Variants in FBF1 observed in about 807,000 individuals in gnomAD.
FBF1 encodes the protein fas-binding factor 1.
In FBF1, 119 loss-of-function variants were observed where a neutral mutation model predicts 147.2. The observed-to-expected ratio is 0.81, with a 90% CI of 0.70 to 0.94. The LOEUF (loss-of-function observed/expected upper bound fraction) is 0.94. Ranked by LOEUF, FBF1 falls within the 40% of genes least tolerant of loss-of-function variation. The pLI is 0.00. For synonymous variants in FBF1, 601 were observed against 609.0 expected, an observed-to-expected ratio of 0.99 and a Z score of 0.19; for missense variants, 1,449 against 1,500.8, an observed-to-expected ratio of 0.97 and a Z score of 0.57.
rs751580864 is a variant in FBF1 at position 75,910,785 on chromosome 17, C to A, written c.3385G>T (p.Glu1129Ter). The A allele has an allele frequency of 6.2e-7, 1 of 1,610,860 alleles. No homozygotes were observed. The highest frequency in any genetic ancestry group is 1.1e-5 in the South Asian group (1 of 90,294). Residue 1129 changes from glutamate to a stop codon, truncating the protein, a stop_gained, in exon 30 of 30, where the codon GAA (glutamate) becomes TAA (stop). Transcript: ENST00000636174. LOFTEE classifies it high-confidence loss of function. The surrounding 1 kb of genome is among the most constrained non-coding windows in gnomAD (Gnocchi z 4.1). ...TTCAGGGTCTCCAGGAAGAACTGTT[C>A]ATTCTCCAAGAAGTCACGGTCCTGC... is the stretch of plus-strand genomic sequence containing the variant. Reference protein sequence around the residue: ...AEQDRDFLENEQFFLETLKKG... With the variant: ...AEQDRDFLEN
chr17:75,924,058 A>AC (rs936457267), intron 13 of FBF1, among the ~76,000 whole-genome samples: 7 of 118,634 alleles, frequency 5.9e-5, no homozygotes, highest in African/African-American at 1.3e-4. Context: ...CTAAAAACAC[A>AC]AAAAAATTAG....
At position 75,923,081 on chromosome 17, in the gene FBF1, G is replaced by A. The variant is rs757194933; in HGVS notation, c.1424+105C>T. ...CTCTGTGGCCACGGCGCCCTGCCTTGTTCCCCAACTGCTGACTGAGGCTGC... is the reference window on the plus strand; with the variant it reads ...CTCTGTGGCCACGGCGCCCTGCCTTATTCCCCAACTGCTGACTGAGGCTGC... On this transcript the variant is annotated intron_variant, in intron 14 of 29. Transcript: ENST00000636174. The surrounding 1 kb of genome is among the most constrained non-coding windows in gnomAD (Gnocchi z 4.1). 1.2e-5 allele frequency: 15 copies of A among 1,202,904 alleles called. No individual in the cohort carries two copies. Among genetic ancestry groups the A allele is most frequent in the Non-Finnish European group, 1.7e-5 (15 of 871,692 alleles). The allele number at this position is 1,202,904 out of a possible 1,614,324, so 74.5% of individuals were successfully genotyped here.
rs2065512690 is a variant in FBF1 at position 75,919,820 on chromosome 17, C to G, written c.1986G>C (p.Arg662=). The G allele has an allele frequency of 3.1e-6, 5 of 1,613,886 alleles. No homozygotes were observed. Among genetic ancestry groups the G allele is most frequent in the Non-Finnish European group, 4.2e-6 (5 of 1,179,902 alleles). Reference sequence around the variant, plus strand: ...GAGCTGACAGCTCTTCGTTCTCTCTCCGGAGCCGCTCCTCCCGTTGCTGGT... The same window carrying G: ...GAGCTGACAGCTCTTCGTTCTCTCTGCGGAGCCGCTCCTCCCGTTGCTGGT... ...TSYQQREERL[R]RENEELSARY... The change falls in exon 20 of 30, where the codon CGG becomes CGC. Residue 662 remains arginine, a synonymous_variant. Coordinates refer to ENST00000636174, the MANE Select transcript of FBF1 (RefSeq NM_001319193.2). This position sits in a 1 kb window ranked among gnomAD's most constrained non-coding sequence, Gnocchi z 5.0.
chr17:75,912,204 G>A lies in FBF1; in HGVS notation c.3351C>T (p.His1117=), dbSNP rs1168034264. 1 of 1,608,688 alleles carries A rather than the reference G, an allele frequency of 6.2e-7. No homozygotes were observed. Among genetic ancestry groups the A allele is most frequent in the Admixed American group, 1.7e-5 (1 of 59,396 alleles). The change falls in exon 29 of 30, where the codon CAC becomes CAT. Residue 1117 remains histidine, a synonymous_variant. Transcript: ENST00000636174. The part of the protein sequence containing the change: ...HLHARLALLR[H]MAEQDRDFLE... ...AGGAGAGACTCACCTGCTCTGCCAT[G>A]TGCCTCAGCAGTGCCAGCCTGGCAT...
chr17:75,910,885 C>T lies in FBF1; in HGVS notation c.3364-79G>A. The T allele has an allele frequency of 2.4e-6, 3 of 1,275,082 alleles. No individual in the cohort carries two copies. Among genetic ancestry groups the T allele is most frequent in the Non-Finnish European group, 3.3e-6 (3 of 899,886 alleles). 79.0% of individuals were successfully genotyped at this position (1,275,082 alleles called of 1,614,324 possible). ...GAGCCCTGGATGCTAGCTGAGCCAG[C>T]CGTCACTGAGGCCCCTCCCCACATC... On this transcript the variant is annotated intron_variant, in intron 29 of 29. Transcript: ENST00000636174. This position sits in a 1 kb window ranked among gnomAD's most constrained non-coding sequence, Gnocchi z 4.1.
Position 75,923,422 on chromosome 17 carries a change from C to G in FBF1, c.1188G>C (p.Gln396His). The change falls in exon 14 of 30, where the codon CAG (glutamine) becomes CAC (histidine). Residue 396 changes from glutamine (Q) to histidine (H), a missense_variant. Gln to His is a conservative substitution (Grantham distance 24, BLOSUM62 0). Coordinates refer to ENST00000636174, the MANE Select transcript of FBF1 (RefSeq NM_001319193.2). The surrounding 1 kb of genome is among the most constrained non-coding windows in gnomAD (Gnocchi z 4.1). ...GGGGCAGCCCAGCTGGCGTGGAGTG[C>G]TGGCTCGCAGGAGGAGGCACTGAGG... Reference protein sequence around the residue: ...VTPSVPPPASQHSTPAGLPPS... With the variant: ...VTPSVPPPASHHSTPAGLPPS... The G allele has an allele frequency of 1.2e-6, 2 of 1,607,914 alleles. No homozygotes were observed. The highest frequency in any genetic ancestry group is 1.7e-6 in the Non-Finnish European group (2 of 1,177,482).
rs1567858887 is a variant in FBF1, at chr17:75,918,059, C to T, written c.2258G>A (p.Ser753Asn). The T allele has an allele frequency of 6.2e-7, 1 of 1,609,904 alleles. No homozygotes were observed. Among genetic ancestry groups the T allele is most frequent in the East Asian group, 2.2e-5 (1 of 44,828 alleles). The change falls in exon 22 of 30, where the codon AGC becomes AAC. Residue 753 changes from serine to asparagine, a missense_variant. Transcript: ENST00000636174. This position sits in a 1 kb window ranked among gnomAD's most constrained non-coding sequence, Gnocchi z 5.8. ...SATSHTRSLN[S>N]IIHQMEKFSS... ...GAACTTCTCCATCTGGTGGATGATG[C>T]TATTCAGGGACCTGGAAGAAGACTG...
chr17:75,930,157 G>A, intron 6 of FBF1, 110 bp from the exon 7 acceptor site: 4 of 813,928 alleles, frequency 4.9e-6, no homozygotes. Context: ...GGCGCGGCAG[G>A]AGCAGAGCTT....
intron 1 of FBF1, among the ~76,000 whole-genome samples, chr17:75,940,188 G>A (rs2144206869): frequency 6.6e-6 from 1 of 151,486 alleles, no homozygotes; most frequent in East Asian, 2.0e-4. Context: ...TGATCTGCCC[G>A]TCTCGGCCTC....
chr17:75,910,730 G>C lies in FBF1; in HGVS notation c.3440C>G (p.Ser1147Ter). The C allele has an allele frequency of 6.2e-7, 1 of 1,608,654 alleles. No individual in the cohort carries two copies. Among genetic ancestry groups the C allele is most frequent in the Non-Finnish European group, 8.5e-7 (1 of 1,177,778 alleles). The part of the protein sequence containing the change: ...KKGSYNLTSH[S>*]A The stretch of plus-strand genomic sequence containing the variant: ...AATCGGCTGGGGTCCCACTCAGGCT[G>C]AATGAGATGTCAAATTGTAGGACCC... The change falls in exon 30 of 30, where the codon TCA becomes TGA. Residue 1147 changes from serine to a stop codon, truncating the protein, a stop_gained. Transcript: ENST00000636174. LOFTEE classifies it high-confidence loss of function. This position sits in a 1 kb window ranked among gnomAD's most constrained non-coding sequence, Gnocchi z 4.1.
At chr17:75,911,534 A>AT (rs2065456666) in intron 29 of FBF1, among the ~76,000 whole-genome samples, 1 of 151,782 alleles carries the variant, frequency 6.6e-6, no homozygotes, top group African/African-American at 2.4e-5. Flanking sequence ...TTTAATATTT[A>AT]TTTTTTTGAG....
chr17:75,915,273 C>T (rs900345876), intron 23 of FBF1, 134 bp from the exon 24 acceptor site: 1 of 1,369,380 alleles, frequency 7.3e-7, no homozygotes, highest in African/African-American at 1.5e-5. Flanking sequence ...CAAAGAGGCA[C>T]AAAATGAGGG....
chr17:75,921,952 C>T lies in FBF1; in HGVS notation c.1519G>A (p.Val507Ile). 1.3e-6 allele frequency: 2 copies of T among 1,550,866 alleles called. No individual in the cohort carries two copies. The highest frequency in any genetic ancestry group is 1.7e-6 in the Non-Finnish European group (2 of 1,146,836). Reference protein sequence around the residue: ...ARERPCVRPGVSGSPVTQNHA... With the variant: ...ARERPCVRPGISGSPVTQNHA... ...CCCGCAGCCCAGGCCTACCCCGAGA[C>T]ACCAGGCCTGACACACGGTCTTTCT... The change falls in exon 15 of 30, where the codon GTC (valine) becomes ATC (isoleucine). Residue 507 changes from valine to isoleucine, a missense_variant. Coordinates refer to ENST00000636174, the MANE Select transcript of FBF1 (RefSeq NM_001319193.2).
In FBF1 at chr17:75,920,088, T is replaced by C. The variant is rs1171620301; in HGVS notation, c.1850A>G (p.Glu617Gly). The C allele has an allele frequency of 6.3e-7, 1 of 1,587,688 alleles. No individual in the cohort carries two copies. The highest frequency in any genetic ancestry group is 8.6e-7 in the Non-Finnish European group (1 of 1,167,770). The change falls in exon 19 of 30, where the codon GAA (glutamate) becomes GGA (glycine). Residue 617 changes from glutamate to glycine, a missense_variant. Transcript: ENST00000636174. The part of the protein sequence containing the change: ...LEAQVRKLEL[E>G]RAQHELLLGS... ...CAGCAGCAGCTCATGCTGGGCCCGTTCTAGCTCCAGCTTCCGCACCTGGGA... is the reference window on the plus strand; with the variant it reads ...CAGCAGCAGCTCATGCTGGGCCCGTCCTAGCTCCAGCTTCCGCACCTGGGA...
chr17:75,912,361 C>G, intron 28 of FBF1, 54 bp from the exon 29 acceptor site: 1 of 1,387,792 alleles, frequency 7.2e-7, no homozygotes, highest in Non-Finnish European at 9.7e-7. Context: ...AAATACCGGG[C>G]GGTCACAGCT....
chr17:75,917,862 C>G lies in FBF1; in HGVS notation c.2387-12G>C, dbSNP rs1254915524. On this transcript the variant is annotated splice_polypyrimidine_tract_variant and intron_variant, in intron 22 of 29. Transcript: ENST00000636174. ...CCGCTCCTGCAGTGCTGGGGGCAAC[C>G]CACAGGGTGCTCAGCAGCTGCTCCC... 8 of 1,586,632 alleles carry G rather than the reference C, an allele frequency of 5.0e-6. No individual in the cohort carries two copies. The highest frequency in any genetic ancestry group is 6.8e-6 in the Non-Finnish European group (8 of 1,170,842).
Position 75,923,962 on chromosome 17 carries a change from C to T in FBF1, c.969-321G>A, listed in dbSNP as rs557231056. On this transcript the variant is annotated intron_variant, in intron 13 of 29. Coordinates refer to ENST00000636174, the MANE Select transcript of FBF1 (RefSeq NM_001319193.2). This position sits in a 1 kb window ranked among gnomAD's most constrained non-coding sequence, Gnocchi z 4.1. ...GCACGGTGGCTCATGTCTGTAATCC[C>T]AGATCTTTGGGAGGCCAGGGTGGGC... Among the ~76,000 whole-genome samples the T allele has an allele frequency of 2.6e-5, 4 of 152,226 alleles. No individual in the cohort carries two copies. The East Asian group carries it at 7.7e-4, about 29-fold the overall frequency.
intron 4 of FBF1, among the ~76,000 whole-genome samples, chr17:75,933,428 C>T (rs1284331215): frequency 2.0e-5 from 3 of 152,072 alleles, no homozygotes; most frequent in African/African-American, 7.2e-5. Flanking sequence ...ATTAGCCAGG[C>T]GTGGTGGTGG....
In FBF1 at chr17:75,925,897, G is replaced by A. The variant is rs2065557923; in HGVS notation, c.868+133C>T. ...ATTATTTCACGGTAAGTATTATTTTGTCTCAGCTATAGACGTGTATAATCA... is the reference window on the plus strand; with the variant it reads ...ATTATTTCACGGTAAGTATTATTTTATCTCAGCTATAGACGTGTATAATCA... On this transcript the variant is annotated intron_variant, in intron 12 of 29. Coordinates refer to ENST00000636174, the MANE Select transcript of FBF1 (RefSeq NM_001319193.2). This position sits in a 1 kb window ranked among gnomAD's most constrained non-coding sequence, Gnocchi z 5.0. 1 of 1,266,510 alleles carries A rather than the reference G, an allele frequency of 7.9e-7. No individual in the cohort carries two copies. Among genetic ancestry groups the A allele is most frequent in the East Asian group, 2.6e-5 (1 of 38,228 alleles). The allele number at this position is 1,266,510 out of a possible 1,614,324, so 78.5% of individuals were successfully genotyped here.
Sources: allele counts gnomAD v4.1 joint callset (sites outside exome capture counted in the v4.1 genomes callset), GRCh38; gene constraint gnomAD v4.1.1; non-coding constraint Gnocchi (gnomAD v3.1); transcripts MANE v1.5; gene names NCBI Gene and HGNC (gene_info 2026-07-23, HGNC 2026-07-21).